Variants in ITPRID1 observed in about 807,000 individuals in gnomAD.
ITPRID1 encodes the protein ITPR interacting domain containing 1.
Under a neutral mutation model 95.4 loss-of-function variants are expected in ITPRID1, and 96 were observed. The observed-to-expected ratio is 1.01, with a 90% CI of 0.85 to 1.19. ITPRID1 has a LOEUF of 1.19. Ranked by LOEUF, ITPRID1 falls within the 50% of genes most tolerant of loss-of-function variation. ITPRID1 has a pLI of 0.00. For synonymous variants in ITPRID1, 510 were observed against 453.6 expected, an observed-to-expected ratio of 1.12 and a Z score of -1.58; for missense variants, 1,339 against 1,252.9, an observed-to-expected ratio of 1.07 and a Z score of -1.04.
Position 31,655,900 on chromosome 7 carries a change from CTCACCTGGCAGCCA to C in ITPRID1, c.*3074_*3087del. The C allele has an allele frequency of 1.0e-6, 1 of 985,514 alleles. No homozygotes were observed. Among genetic ancestry groups the C allele is most frequent in the Non-Finnish European group, 1.2e-6 (1 of 829,992 alleles). 61.0% of individuals were successfully genotyped at this position (985,514 alleles called of 1,614,324 possible). ...AGGAACACCTGGCTCTAGGATGTCCCTCACCTGGCAGCCATCTGCTTTACCAGTCTCATTTCCTG... is the reference window on the plus strand; with the variant it reads ...AGGAACACCTGGCTCTAGGATGTCCCTCTGCTTTACCAGTCTCATTTCCTG... On this transcript the variant is annotated 3_prime_UTR_variant, in exon 15 of 15. Coordinates refer to ENST00000615280, the MANE Select transcript of ITPRID1 (RefSeq NM_001257967.3).
intron 10 of ITPRID1, among the ~76,000 whole-genome samples, chr7:31,611,066 G>A (rs377092207): frequency 2.0e-5 from 3 of 149,998 alleles, no homozygotes; most frequent in Non-Finnish European, 4.5e-5. Flanking sequence ...TGAGTTAAAC[G>A]GGTATTGTCT....
intron 1 of ITPRID1, among the ~76,000 whole-genome samples, chr7:31,514,913 A>G (rs1782999618): frequency 6.6e-6 from 1 of 151,746 alleles, no homozygotes; most frequent in African/African-American, 2.4e-5. Flanking sequence ...AATAAAAGCA[A>G]TTGTGTTTTT....
In ITPRID1 at chr7:31,636,452, G is replaced by A. The variant is rs1208083835; in HGVS notation, c.1229-5724G>A. Among the ~76,000 whole-genome samples, 4 of 152,210 alleles carry A rather than the reference G, an allele frequency of 2.6e-5. No individual in the cohort carries two copies. In the East Asian group the frequency reaches 7.7e-4, roughly 29 times the overall value. On this transcript the variant is annotated intron_variant, in intron 10 of 14. Transcript: ENST00000615280. ...GAAAAGTTGAAATAATAATAATGAT[G>A]TATGGAGAGTCCTTCAGTTTGTTGT...
rs573298504 is a variant in ITPRID1, at chr7:31,611,235, T to C, written c.1228+28044T>C. Among the ~76,000 whole-genome samples the C allele has an allele frequency of 4.7e-3, 719 of 151,924 alleles. 7 individuals are homozygous for C. The highest frequency in any genetic ancestry group is 0.017 in the African/African-American group (689 of 41,532). ...ATGTTAAAAATTTTCTCCAGTATAGTTTTATTTCCTCCTCCCTCCTTTGCG... is the reference window on the plus strand; with the variant it reads ...ATGTTAAAAATTTTCTCCAGTATAGCTTTATTTCCTCCTCCCTCCTTTGCG... On this transcript the variant is annotated intron_variant, in intron 10 of 14. Coordinates refer to ENST00000615280, the MANE Select transcript of ITPRID1 (RefSeq NM_001257967.3).
In ITPRID1 at chr7:31,551,573, C is replaced by T. The variant is rs144928412; in HGVS notation, c.-23-1429C>T. On this transcript the variant is annotated intron_variant, in intron 2 of 14. Coordinates refer to ENST00000615280, the MANE Select transcript of ITPRID1 (RefSeq NM_001257967.3). Reference sequence around the variant, plus strand: ...TTTTTGTTTTTTAACATAAAATTGACAGCCATCATAATTATTGATTTTTGT... The same window carrying T: ...TTTTTGTTTTTTAACATAAAATTGATAGCCATCATAATTATTGATTTTTGT... 2.8e-3 allele frequency among the ~76,000 whole-genome samples: 408 copies of T among 143,310 alleles called. 24 individuals carry two copies. Among genetic ancestry groups the T allele is most frequent in the African/African-American group, 9.6e-3 (392 of 40,776 alleles). The allele number at this position is 143,310 out of a possible 152,430, so 94.0% of individuals were successfully genotyped here. A position where few individuals can be genotyped will look rare whatever the true frequency, so the allele number is the denominator to read the frequency against.
intron 1 of ITPRID1, among the ~76,000 whole-genome samples, chr7:31,549,088 C>G (rs1297345445): frequency 6.6e-6 from 1 of 152,106 alleles, no homozygotes; most frequent in African/African-American, 2.4e-5. Context: ...ATGCCTCGGG[C>G]TGTTCTCCCA....
At chr7:31,631,211 T>C (rs60474777) in intron 10 of ITPRID1, among the ~76,000 whole-genome samples, 1 of 152,094 alleles carries the variant, frequency 6.6e-6, no homozygotes, top group Non-Finnish European at 1.5e-5. Context: ...ACCTATCAAT[T>C]GTTTTTTACA....
At chr7:31,639,697 C>T (rs186694358) in intron 10 of ITPRID1, among the ~76,000 whole-genome samples, 88 of 151,872 alleles carry the variant, frequency 5.8e-4, no homozygotes, top group East Asian at 5.4e-3. Context: ...CCACCATGCC[C>T]GGCTAATTTT....
intron 12 of ITPRID1, among the ~76,000 whole-genome samples, chr7:31,644,358 A>T (rs1790287373): frequency 6.6e-6 from 1 of 152,240 alleles, no homozygotes; most frequent in South Asian, 2.1e-4. Context: ...TTTGTAAAAT[A>T]GGGAGACTAT....
chr7:31,575,336 G>A (rs558344664), intron 8 of ITPRID1, among the ~76,000 whole-genome samples: 2 of 152,204 alleles, frequency 1.3e-5, no homozygotes, highest in Non-Finnish European at 2.9e-5. Context: ...TGAGCTGTAA[G>A]TGATAGTTAT....
intron 10 of ITPRID1, among the ~76,000 whole-genome samples, chr7:31,615,207 A>AT (rs1166464453): frequency 1.3e-5 from 2 of 152,118 alleles, no homozygotes; most frequent in African/African-American, 4.8e-5. Flanking sequence ...GTCTTTGGAC[A>AT]TGGATATAGG....
At chr7:31,567,701 C>T (rs1243690787) in intron 5 of ITPRID1, among the ~76,000 whole-genome samples, 2 of 152,102 alleles carry the variant, frequency 1.3e-5, no homozygotes, top group Non-Finnish European at 2.9e-5. Context: ...CCTGCCTCAG[C>T]CTCCTGAGTA....
intron 10 of ITPRID1, among the ~76,000 whole-genome samples, chr7:31,631,847 G>T (rs116620642): frequency 1.3e-5 from 2 of 152,292 alleles, no homozygotes; most frequent in African/African-American, 4.8e-5. Flanking sequence ...CTTGTCTCAG[G>T]ATTATTTTCA....
chr7:31,611,751 T>C (rs1786878669), intron 10 of ITPRID1, among the ~76,000 whole-genome samples: 1 of 152,024 alleles, frequency 6.6e-6, no homozygotes, highest in African/African-American at 2.4e-5. Context: ...ATATCCCTTG[T>C]ATGTGATGAG....
intron 10 of ITPRID1, among the ~76,000 whole-genome samples, chr7:31,602,058 G>A (rs1380925197): frequency 6.6e-6 from 1 of 150,724 alleles, no homozygotes; most frequent in Non-Finnish European, 1.5e-5. Flanking sequence ...TTTCTTCCTT[G>A]GCAGTAGGCA....
intron 5 of ITPRID1, among the ~76,000 whole-genome samples, chr7:31,557,298 T>G (rs537572471): frequency 6.6e-6 from 1 of 152,202 alleles, no homozygotes; most frequent in African/African-American, 2.4e-5. Context: ...AGCAGCAAGA[T>G]CTAAGTGTCT....
intron 10 of ITPRID1, among the ~76,000 whole-genome samples, chr7:31,608,043 T>C (rs183801367): frequency 6.6e-6 from 1 of 152,186 alleles, no homozygotes; most frequent in East Asian, 1.9e-4. Flanking sequence ...CACATATTTA[T>C]GTATGTATCT....
chr7:31,569,977 A>G lies in ITPRID1; in HGVS notation c.308+168A>G, dbSNP rs377433810. 5.9e-5 allele frequency among the ~76,000 whole-genome samples: 9 copies of G among 152,284 alleles called. No individual in the cohort carries two copies. In the East Asian group the frequency reaches 1.2e-3, roughly 20 times the overall value. On this transcript the variant is annotated intron_variant, in intron 6 of 14. Transcript: ENST00000615280. ...AGAATGTTTACATCAGCTTTGAGAG[A>G]AATAGAGGTTCCTTAAAAATCATAA...
At chr7:31,616,210 T>C (rs954630362) in intron 10 of ITPRID1, among the ~76,000 whole-genome samples, 1 of 151,912 alleles carries the variant, frequency 6.6e-6, no homozygotes, top group African/African-American at 2.4e-5. Flanking sequence ...CATCTTAAAT[T>C]GACCATGGTT....
Sources: gnomAD v4.1 joint callset for allele counts (sites outside exome capture counted in the v4.1 genomes callset) on GRCh38, gnomAD v4.1.1 for gene constraint, MANE v1.5 for transcripts, NCBI Gene and HGNC (gene_info 2026-07-23, HGNC 2026-07-21) for gene names.